KCNQ3: variants seen among roughly 807,000 people sequenced by gnomAD.
KCNQ3 encodes potassium voltage-gated channel subfamily KQT member 3.
A neutral mutation model predicts 92.5 loss-of-function variants in KCNQ3; 30 were observed. The ratio of observed to expected loss-of-function variants is 0.32; its 90% CI spans 0.24 to 0.44. KCNQ3 has a LOEUF of 0.44. KCNQ3 is among the 20% of genes least tolerant of loss of function. KCNQ3 has a pLI of 1.00. For synonymous variants in KCNQ3, 450 were observed against 468.8 expected (o/e 0.96, Z 0.52); for missense variants, 913 against 1,140.3 (o/e 0.80, Z 2.87).
At chr8:132,436,253 A>C (rs1170761033) in intron 1 of KCNQ3, among the ~76,000 whole-genome samples, 2 of 152,240 alleles carry the variant, frequency 1.3e-5, no homozygotes, top group Non-Finnish European at 2.9e-5. Context: ...CTTAATTTTC[A>C]CATTACCACA....
intron 1 of KCNQ3, among the ~76,000 whole-genome samples, chr8:132,414,052 G>A (rs1157979403): frequency 6.6e-6 from 1 of 152,182 alleles, no homozygotes; most frequent in Non-Finnish European, 1.5e-5. Context: ...CAGGGCTCAG[G>A]CCCCAGGACA....
chr8:132,353,850 T>C lies in KCNQ3; in HGVS notation c.386+126297A>G, dbSNP rs139833587. Among the ~76,000 whole-genome samples, 6 of 152,098 alleles carry C rather than the reference T, an allele frequency of 3.9e-5. No homozygotes were observed. In the East Asian group the frequency reaches 9.7e-4, roughly 24 times the overall value. ...ACAAACAAGCAAACAAACAAAAACT[T>C]TGGATTTTTGTAGCAACAAGATGAG... is the stretch of plus-strand genomic sequence containing the variant. On this transcript the variant is annotated intron_variant, in intron 1 of 14. Transcript: ENST00000388996.
chr8:132,445,077 C>T (rs1304150578), intron 1 of KCNQ3, among the ~76,000 whole-genome samples: 3 of 152,260 alleles, frequency 2.0e-5, no homozygotes, highest in Middle Eastern at 3.4e-3. Context: ...GTAATTCTCA[C>T]AATTCTATGC....
At chr8:132,238,643 CCTA>C (rs1421678979) in intron 1 of KCNQ3, among the ~76,000 whole-genome samples, 1 of 152,176 alleles carries the variant, frequency 6.6e-6, no homozygotes, top group African/African-American at 2.4e-5. Flanking sequence ...CTCTCCCTAT[CCTA>C]CTTCTCTCCT....
intron 1 of KCNQ3, among the ~76,000 whole-genome samples, chr8:132,437,966 A>G (rs1049418309): frequency 4.6e-5 from 7 of 152,206 alleles, no homozygotes; most frequent in African/African-American, 1.7e-4. Context: ...AATTCCATTG[A>G]GTGACTGCTA....
chr8:132,130,000 G>A lies in KCNQ3; in HGVS notation c.1885-4C>T, dbSNP rs1824818382. The stretch of plus-strand genomic sequence containing the variant: ...GCTTCTTCCCCATGTCCTGAACCTG[G>A]AAAATCAAAGGAGCTGTGAATTACC... On this transcript the variant is annotated splice_polypyrimidine_tract_variant and splice_region_variant and intron_variant, in intron 14 of 14. Transcript: ENST00000388996. The surrounding 1 kb of genome is among the most constrained non-coding windows in gnomAD (Gnocchi z 5.9). 5 of 1,612,810 alleles carry A rather than the reference G, an allele frequency of 3.1e-6. No individual in the cohort carries two copies. Among genetic ancestry groups the A allele is most frequent in the Non-Finnish European group, 3.4e-6 (4 of 1,179,962 alleles).
chr8:132,217,294 T>C (rs1814062871), intron 1 of KCNQ3, among the ~76,000 whole-genome samples: 1 of 152,166 alleles, frequency 6.6e-6, no homozygotes, highest in Non-Finnish European at 1.5e-5. Context: ...CTTCATTCAT[T>C]CATTCAACAT....
chr8:132,306,148 C>T (rs1277899124), intron 1 of KCNQ3, among the ~76,000 whole-genome samples: 1 of 152,146 alleles, frequency 6.6e-6, no homozygotes, highest in African/African-American at 2.4e-5. Context: ...TATCTGTGTG[C>T]TTTCTACTAC....
At chr8:132,344,454 G>T (rs1351566193) in intron 1 of KCNQ3, among the ~76,000 whole-genome samples, 1 of 152,166 alleles carries the variant, frequency 6.6e-6, no homozygotes, top group Non-Finnish European at 1.5e-5. Context: ...TAGTGAGTTT[G>T]TTCTAAGTGC....
chr8:132,179,895 A>G (rs1340723992), intron 4 of KCNQ3, among the ~76,000 whole-genome samples: 1 of 152,204 alleles, frequency 6.6e-6, no homozygotes, highest in Non-Finnish European at 1.5e-5. Flanking sequence ...GGGCTGAGCA[A>G]CTTGGCCAAA....
intron 1 of KCNQ3, among the ~76,000 whole-genome samples, chr8:132,448,275 T>G (rs1314002416): frequency 6.6e-6 from 1 of 152,008 alleles, no homozygotes; most frequent in African/African-American, 2.4e-5. Flanking sequence ...GGCAATTACT[T>G]TTCTTCACTG....
chr8:132,268,987 T>C (rs1339223490), intron 1 of KCNQ3, among the ~76,000 whole-genome samples: 2 of 152,256 alleles, frequency 1.3e-5, no homozygotes, highest in African/African-American at 2.4e-5. Context: ...TGTATGCATA[T>C]ATTATCATGT....
chr8:132,276,586 T>C (rs1263744782), intron 1 of KCNQ3, among the ~76,000 whole-genome samples: 1 of 152,214 alleles, frequency 6.6e-6, no homozygotes, highest in East Asian at 1.9e-4. Context: ...AACTACTTCC[T>C]CATGTTGACT....
At chr8:132,384,335 G>C (rs75581524) in intron 1 of KCNQ3, among the ~76,000 whole-genome samples, 584 of 152,294 alleles carry the variant, frequency 3.8e-3, no homozygotes, top group Non-Finnish European at 6.9e-3. Flanking sequence ...ATGAATGAGC[G>C]ATTTCTTCAC....
intron 1 of KCNQ3, among the ~76,000 whole-genome samples, chr8:132,468,247 G>T (rs1822225747): frequency 6.6e-6 from 1 of 152,182 alleles, no homozygotes; most frequent in African/African-American, 2.4e-5. Context: ...GCTGGGATTG[G>T]AGGGACAGGC....
At chr8:132,148,310 A>G (rs117099249) in intron 9 of KCNQ3, among the ~76,000 whole-genome samples, 1 of 151,924 alleles carries the variant, frequency 6.6e-6, no homozygotes, top group African/African-American at 2.4e-5. Flanking sequence ...CTCTTGGCTC[A>G]CTGCAACCTC....
chr8:132,334,182 G>T (rs1818303582), intron 1 of KCNQ3, among the ~76,000 whole-genome samples: 1 of 151,976 alleles, frequency 6.6e-6, no homozygotes, highest in South Asian at 2.1e-4. Flanking sequence ...CTTACTATCA[G>T]AAAAATGTCA....
intron 1 of KCNQ3, among the ~76,000 whole-genome samples, chr8:132,346,045 G>T (rs978268501): frequency 6.6e-6 from 1 of 152,022 alleles, no homozygotes; most frequent in African/African-American, 2.4e-5. Context: ...GGTCATGATG[G>T]TGATGGTGAT....
chr8:132,289,372 C>T (rs1816775959), intron 1 of KCNQ3, among the ~76,000 whole-genome samples: 1 of 152,164 alleles, frequency 6.6e-6, no homozygotes, highest in Non-Finnish European at 1.5e-5. Flanking sequence ...AAATCAGTAT[C>T]CTTGTGCTGA....
Sources: gnomAD v4.1 joint callset for allele counts (sites outside exome capture counted in the v4.1 genomes callset) on GRCh38, gnomAD v4.1.1 for gene constraint, Gnocchi (gnomAD v3.1) non-coding constraint, MANE v1.5 for transcripts, NCBI Gene and HGNC (gene_info 2026-07-23, HGNC 2026-07-21) for gene names.